PRR16: variants seen among roughly 807,000 people sequenced by gnomAD.
PRR16 encodes proline rich 16, also known as protein Largen.
In PRR16, 6 loss-of-function variants were observed where a neutral mutation model predicts 18.2. That is an observed-to-expected ratio of 0.33 (90% CI 0.18 to 0.65). PRR16 has a LOEUF of 0.65. Ranked by LOEUF, PRR16 falls within the 30% of genes least tolerant of loss-of-function variation. The pLI is 0.74. For synonymous variants in PRR16, 151 were observed against 147.8 expected (o/e 1.02, Z -0.16); for missense variants, 412 against 376.6 (o/e 1.09, Z -0.78).
At chr5:120,673,188 C>G (rs905049328) in intron 1 of PRR16, among the ~76,000 whole-genome samples, 1 of 152,192 alleles carries the variant, frequency 6.6e-6, no homozygotes, top group African/African-American at 2.4e-5. Flanking sequence ...ACATGCAATA[C>G]ATTTAACTAT....
rs572162982 is a variant in PRR16 at position 120,474,488 on chromosome 5, A to G, written c.159+9843A>G. 4.6e-5 allele frequency among the ~76,000 whole-genome samples: 7 copies of G among 152,146 alleles called. No individual in the cohort carries two copies. In the East Asian group the frequency reaches 1.4e-3, roughly 29 times the overall value. ...TGCTCTTGCTCTTCCATCTTATTCCATATTACTTAATATTGTTTTTGCTAC... is the reference window on the plus strand; with the variant it reads ...TGCTCTTGCTCTTCCATCTTATTCCGTATTACTTAATATTGTTTTTGCTAC... On this transcript the variant is annotated intron_variant, in intron 1 of 1. Transcript: ENST00000407149.
At chr5:120,746,936 A>G in the PRR16 span, among the ~76,000 whole-genome samples, 1 of 152,218 alleles carries the variant, frequency 6.6e-6, no homozygotes, top group Non-Finnish European at 1.5e-5. Flanking sequence ...GGATAAAATC[A>G]TCTTTCTTCG....
chr5:120,464,773 C>G, intron 1 of PRR16, 128 bp downstream of exon 1: 1 of 1,019,962 alleles, frequency 9.8e-7, no homozygotes, highest in South Asian at 2.0e-5. Flanking sequence ...CGCCTGCAGA[C>G]GGACTTTCTT....
At chr5:120,542,121 C>T (rs929080532) in intron 1 of PRR16, among the ~76,000 whole-genome samples, 1 of 152,044 alleles carries the variant, frequency 6.6e-6, no homozygotes, top group Non-Finnish European at 1.5e-5. Flanking sequence ...TTCTCAGGGG[C>T]ACTGTAATTC....
At chr5:120,741,836 G>A in the PRR16 span, among the ~76,000 whole-genome samples, 4 of 152,050 alleles carry the variant, frequency 2.6e-5, no homozygotes, top group Non-Finnish European at 5.9e-5. Flanking sequence ...CTTGACCTCA[G>A]GTAATCCGCC....
the PRR16 span, among the ~76,000 whole-genome samples, chr5:120,765,406 T>A: frequency 6.6e-6 from 1 of 152,052 alleles, no homozygotes; most frequent in Non-Finnish European, 1.5e-5. Context: ...AAAAGCTGTT[T>A]AGAATAAATC....
chr5:120,676,498 T>C (rs1486013323), intron 1 of PRR16, among the ~76,000 whole-genome samples: 2 of 138,374 alleles, frequency 1.4e-5, no homozygotes, highest in East Asian at 2.2e-4. Context: ...CTCTGGATTA[T>C]GTTTATTTTA....
At chr5:120,526,599 G>C (rs1271374754) in intron 1 of PRR16, among the ~76,000 whole-genome samples, 1 of 152,098 alleles carries the variant, frequency 6.6e-6, no homozygotes, top group African/African-American at 2.4e-5. Context: ...ACTGCCACAT[G>C]TATCAACTCT....
Position 120,687,173 on chromosome 5 carries a change from A to G in PRR16, c.*464A>G, listed in dbSNP as rs887468732. The G allele has an allele frequency of 6.5e-6, 1 of 152,888 alleles. No homozygotes were observed. Among genetic ancestry groups the G allele is most frequent in the East Asian group, 1.9e-4 (1 of 5,194 alleles). 9.5% of individuals were successfully genotyped at this position (152,888 alleles called of 1,614,324 possible). On this transcript the variant is annotated 3_prime_UTR_variant, in exon 2 of 2. Transcript: ENST00000407149. ...TTTGTCACTAGTTTTTCATTATTAA[A>G]TGCTGAGGCCAATACCAAGAAGTTT...
intron 1 of PRR16, among the ~76,000 whole-genome samples, chr5:120,583,751 G>C (rs1366563551): frequency 6.6e-6 from 1 of 152,070 alleles, no homozygotes; most frequent in East Asian, 1.9e-4. Context: ...TACCTCTTAA[G>C]TGCTGGGCAC....
intron 1 of PRR16, among the ~76,000 whole-genome samples, chr5:120,505,644 A>T (rs1472126014): frequency 6.6e-6 from 1 of 152,136 alleles, no homozygotes; most frequent in Non-Finnish European, 1.5e-5. Flanking sequence ...GTGAATTGGG[A>T]TTTTACACTT....
the PRR16 span, among the ~76,000 whole-genome samples, chr5:120,761,868 C>G: frequency 6.6e-6 from 1 of 152,008 alleles, no homozygotes; most frequent in Non-Finnish European, 1.5e-5. Flanking sequence ...TCATTTACCT[C>G]CCCCCAAAAA....
chr5:120,764,689 CAAAG>C, the PRR16 span, among the ~76,000 whole-genome samples: 1 of 112,854 alleles, frequency 8.9e-6, no homozygotes. Context: ...GCAAAGAAGT[CAAAG>C]AAGTGTATAT....
chr5:120,534,872 A>G (rs1237494973), intron 1 of PRR16, among the ~76,000 whole-genome samples: 2 of 152,184 alleles, frequency 1.3e-5, no homozygotes. Flanking sequence ...TTTACATGAA[A>G]GATTTTGATT....
At chr5:120,631,306 C>T (rs897739589) in intron 1 of PRR16, among the ~76,000 whole-genome samples, 2 of 152,092 alleles carry the variant, frequency 1.3e-5, no homozygotes, top group Non-Finnish European at 2.9e-5. Context: ...AGAACTACTG[C>T]AGGAACATAC....
At chr5:120,525,148 A>G (rs1751308117) in intron 1 of PRR16, among the ~76,000 whole-genome samples, 1 of 152,118 alleles carries the variant, frequency 6.6e-6, no homozygotes, top group South Asian at 2.1e-4. Flanking sequence ...ATATAAGGAA[A>G]TAAATATACT....
chr5:120,709,919 T>G, the PRR16 span, among the ~76,000 whole-genome samples: 1 of 152,362 alleles, frequency 6.6e-6, no homozygotes. Flanking sequence ...TCTTGGATAT[T>G]GTGAACTGCA....
chr5:120,685,728 T>C (rs1220653028), intron 1 of PRR16, among the ~76,000 whole-genome samples: 1 of 152,160 alleles, frequency 6.6e-6, no homozygotes, highest in Non-Finnish European at 1.5e-5. Flanking sequence ...ATAAATCATA[T>C]GTTATGTTCT....
At chr5:120,598,551 A>G (rs1261460191) in intron 1 of PRR16, among the ~76,000 whole-genome samples, 3 of 151,848 alleles carry the variant, frequency 2.0e-5, no homozygotes, top group Non-Finnish European at 4.4e-5. Flanking sequence ...ATAACCCAAC[A>G]GGTAGTTTTT....
Sources: gnomAD v4.1 joint callset for allele counts (sites outside exome capture counted in the v4.1 genomes callset) on GRCh38, gnomAD v4.1.1 for gene constraint, MANE v1.5 for transcripts, NCBI Gene and HGNC (gene_info 2026-07-23, HGNC 2026-07-21) for gene names.